PTPRO: variants seen among roughly 807,000 people sequenced by gnomAD.
PTPRO encodes protein tyrosine phosphatase receptor type O.
A neutral mutation model predicts 145.2 loss-of-function variants in PTPRO; 62 were observed. The observed-to-expected ratio is 0.43, with a 90% CI of 0.35 to 0.53. The LOEUF (loss-of-function observed/expected upper bound fraction) is 0.53, where lower values mean the gene tolerates loss of function less well. Among genes scored for constraint, PTPRO ranks in the 20% least tolerant of loss-of-function variants. The probability of loss-of-function intolerance (pLI) is 0.01; values close to 1 mark genes in which losing one functional copy is unlikely to be tolerated. For synonymous variants in PTPRO, 565 were observed against 514.7 expected, an observed-to-expected ratio of 1.10 and a Z score of -1.32; for missense variants, 1,345 against 1,482.7, an observed-to-expected ratio of 0.91 and a Z score of 1.53.
intron 15 of PTPRO, among the ~76,000 whole-genome samples, chr12:15,554,099 C>T (rs1591725349): frequency 6.6e-6 from 1 of 152,138 alleles, no homozygotes; most frequent in Non-Finnish European, 1.5e-5. Context: ...GAGGCTGAGA[C>T]AGGAGGCAGA....
intron 19 of PTPRO, among the ~76,000 whole-genome samples, chr12:15,571,313 A>C (rs1256190512): frequency 1.0e-5 from 1 of 99,956 alleles, no homozygotes; most frequent in Non-Finnish European, 2.3e-5. Flanking sequence ...TTTTTGAGAC[A>C]GTCTCACTCT....
intron 18 of PTPRO, 89 bp downstream of exon 18, chr12:15,565,717 G>C (rs748746480): frequency 1.3e-5 from 13 of 1,011,998 alleles, no homozygotes; most frequent in Non-Finnish European, 2.0e-5. Context: ...TCAAAGAGAA[G>C]GGACGCTTAA....
intron 19 of PTPRO, among the ~76,000 whole-genome samples, chr12:15,578,373 T>A (rs1944232977): frequency 6.6e-6 from 1 of 152,238 alleles, no homozygotes; most frequent in African/African-American, 2.4e-5. Context: ...CTTCTCCAAA[T>A]GACCACTAAG....
chr12:15,402,790 G>C (rs967035185), intron 1 of PTPRO, among the ~76,000 whole-genome samples: 16 of 152,046 alleles, frequency 1.1e-4, no homozygotes, highest in African/African-American at 3.4e-4. Context: ...AATAATAAGA[G>C]AATAGTGGAC....
intron 19 of PTPRO, among the ~76,000 whole-genome samples, chr12:15,576,140 A>G (rs754432442): frequency 1.3e-5 from 2 of 152,154 alleles, no homozygotes; most frequent in Non-Finnish European, 2.9e-5. Flanking sequence ...CAGGTCCATC[A>G]CTCCATAGTT....
At chr12:15,564,385 T>C (rs61908074) in intron 17 of PTPRO, among the ~76,000 whole-genome samples, 10,770 of 152,192 alleles carry the variant, frequency 0.071, 539 homozygotes, top group Non-Finnish European at 0.097. Flanking sequence ...ATTCAGAGGG[T>C]AACATGGCAG....
At chr12:15,340,470 G>A (rs1400366652) in intron 1 of PTPRO, among the ~76,000 whole-genome samples, 1 of 152,106 alleles carries the variant, frequency 6.6e-6, no homozygotes, top group East Asian at 1.9e-4. Flanking sequence ...AATCATTCTT[G>A]CGGTTTCTTT....
intron 4 of PTPRO, among the ~76,000 whole-genome samples, chr12:15,500,763 A>C (rs3790006): frequency 6.6e-6 from 1 of 151,966 alleles, no homozygotes; most frequent in Non-Finnish European, 1.5e-5. Context: ...CTCTACTAAG[A>C]ATACAAATAT....
chr12:15,483,452 A>T (rs1049971150), intron 1 of PTPRO, among the ~76,000 whole-genome samples: 11 of 152,170 alleles, frequency 7.2e-5, no homozygotes, highest in African/African-American at 2.7e-4. Context: ...AATGACAAGG[A>T]TCAACACCAG....
At chr12:15,518,236 A>C (rs1591677472) in intron 9 of PTPRO, among the ~76,000 whole-genome samples, 1 of 151,658 alleles carries the variant, frequency 6.6e-6, no homozygotes, top group East Asian at 2.0e-4. Flanking sequence ...TGGGGCTTGC[A>C]CCCTCTGAAG....
chr12:15,549,174 C>A lies in PTPRO; in HGVS notation c.2385C>A (p.Ser795Arg), dbSNP rs1243531078. 6.2e-7 allele frequency: 1 copy of A among 1,611,448 alleles called. No homozygotes were observed. The highest frequency in any genetic ancestry group is 8.5e-7 in the Non-Finnish European group (1 of 1,179,450). The change falls in exon 14 of 27, where the codon AGC becomes AGA. Residue 795 changes from serine to arginine, a missense_variant. By Grantham distance (110) the Ser-to-Arg change is moderately radical (BLOSUM62 -1). Around this residue, in one of 3 missense-constraint regions of PTPRO, gnomAD observed 1,130 missense variants for 1,214.7 expected, o/e 0.93. Coordinates refer to ENST00000281171, the MANE Select transcript of PTPRO (RefSeq NM_030667.3). Reference protein sequence around the residue: ...PATAYNCSVTSFSHDSPSVPT... With the variant: ...PATAYNCSVTRFSHDSPSVPT... ...CTGCCTACAATTGTAGTGTCACCAG[C>A]TTTAGCCATGACAGCCCCAGTGTCC...
At chr12:15,407,130 G>A (rs1277840166) in intron 1 of PTPRO, among the ~76,000 whole-genome samples, 1 of 152,156 alleles carries the variant, frequency 6.6e-6, no homozygotes, top group East Asian at 1.9e-4. Flanking sequence ...CTCCACTGCA[G>A]GGCTCTGGAC....
At chr12:15,418,290 G>A (rs1940038472) in intron 1 of PTPRO, among the ~76,000 whole-genome samples, 1 of 151,682 alleles carries the variant, frequency 6.6e-6, no homozygotes, top group South Asian at 2.1e-4. Flanking sequence ...ATTAATTATG[G>A]CTATAGATTA....
chr12:15,416,780 G>GT (rs1222224743), intron 1 of PTPRO, among the ~76,000 whole-genome samples: 4 of 146,348 alleles, frequency 2.7e-5, no homozygotes, highest in African/African-American at 7.7e-5. Context: ...AAGTTGTGCA[G>GT]TTTTTTTTCT....
At chr12:15,383,554 C>T (rs61403396) in intron 1 of PTPRO, among the ~76,000 whole-genome samples, 3,268 of 152,258 alleles carry the variant, frequency 0.021, 126 homozygotes, top group African/African-American at 0.074. Flanking sequence ...GCTTATGATA[C>T]AGCCTCGGGA....
intron 12 of PTPRO, among the ~76,000 whole-genome samples, chr12:15,541,151 G>T (rs1169525796): frequency 6.6e-6 from 1 of 152,146 alleles, no homozygotes; most frequent in Non-Finnish European, 1.5e-5. Flanking sequence ...ACCTTTTGGA[G>T]CATGAGAATA....
In PTPRO at chr12:15,551,580, A is replaced by G. The variant is rs1438925607; in HGVS notation, c.2467A>G (p.Ile823Val). The change falls in exon 15 of 27, where the codon ATC (isoleucine) becomes GTC (valine). Residue 823 changes from isoleucine to valine, a missense_variant. This residue lies in a region of PTPRO where 1,130 missense variants were observed against 1,214.7 expected (regional missense o/e 0.93). Coordinates refer to ENST00000281171, the MANE Select transcript of PTPRO (RefSeq NM_030667.3). Reference protein sequence around the residue: ...VTEMNPNVVVISVLAILSTLL... With the variant: ...VTEMNPNVVVVSVLAILSTLL... ...AGAGATGAATCCCAATGTGGTAGTG[A>G]TCTCCGTGCTGGCCATCCTTAGCAC... 2 of 1,613,648 alleles carry G rather than the reference A, an allele frequency of 1.2e-6. No homozygotes were observed. Among genetic ancestry groups the G allele is most frequent in the Admixed American group, 1.7e-5 (1 of 60,016 alleles).
chr12:15,551,764 C>A, intron 15 of PTPRO, 93 bp downstream of exon 15: 1 of 1,380,832 alleles, frequency 7.2e-7, no homozygotes, highest in Non-Finnish European at 1.0e-6. Context: ...AGTTGTATAG[C>A]GGTATATTGG....
intron 1 of PTPRO, among the ~76,000 whole-genome samples, chr12:15,445,381 A>G (rs1171105629): frequency 3.3e-5 from 5 of 152,156 alleles, no homozygotes; most frequent in Non-Finnish European, 7.4e-5. Context: ...CTGAGTCCCT[A>G]AGTGCTTTTA....
Sources: allele counts gnomAD v4.1 joint callset (sites outside exome capture counted in the v4.1 genomes callset), GRCh38; gene constraint gnomAD v4.1.1; regional missense constraint gnomAD v4.1.1; transcripts MANE v1.5; gene names NCBI Gene and HGNC (gene_info 2026-07-23, HGNC 2026-07-21).